ETFA: variants seen among roughly 807,000 people sequenced by gnomAD.
ETFA encodes the protein electron transfer flavoprotein subunit alpha.
ETFA carries 22 observed loss-of-function variants against 46.2 expected under a neutral mutation model. The ratio of observed to expected loss-of-function variants is 0.48; its 90% CI spans 0.34 to 0.68. The LOEUF (loss-of-function observed/expected upper bound fraction) is 0.68, where lower values mean the gene tolerates loss of function less well. ETFA is among the 30% of genes least tolerant of loss of function. The probability of loss-of-function intolerance (pLI) is 0.01; values close to 1 mark genes in which losing one functional copy is unlikely to be tolerated. For synonymous variants in ETFA, 131 were observed against 139.9 expected (o/e 0.94, Z 0.45); for missense variants, 345 against 401.1 (o/e 0.86, Z 1.19).
rs369091376 is a variant in ETFA at position 76,268,889 on chromosome 15, TTA to T, written c.816+5521_816+5522del. Among the ~76,000 whole-genome samples, 853 of 152,330 alleles carry T rather than the reference TTA, an allele frequency of 5.6e-3. 16 individuals are homozygous for T. Among genetic ancestry groups the T allele is most frequent in the African/African-American group, 0.02 (820 of 41,568 alleles). ...AGGACCTTTTGGATTCAAAGTTGTG[TTA>T]TGTTACTCTTAAATGCCATCTGGAG... On this transcript the variant is annotated intron_variant, in intron 9 of 11. Transcript: ENST00000557943.
At chr15:76,260,015 A>C in intron 9 of ETFA, 2 of 1,476,414 alleles carry the variant, frequency 1.4e-6, no homozygotes, top group Non-Finnish European at 1.9e-6. Context: ...TTCCTGAGGA[A>C]CTCTTCAATG....
rs146133196 is a variant in ETFA, at chr15:76,286,393, G to C, written c.540C>G (p.Gly180=). The change falls in exon 6 of 12, where the codon GGC becomes GGG. Residue 180 remains glycine (G), a synonymous_variant. Transcript: ENST00000557943. ...CACCCTTTTCTGAACTGGCACTACC[G>C]CCACTTGTTGCTGCAGCATCAAAGG... ...GTSFDAAATS[G]GSASSEKASS... 8 of 1,611,258 alleles carry C rather than the reference G, an allele frequency of 5.0e-6. No homozygotes were observed. Among genetic ancestry groups the C allele is most frequent in the Non-Finnish European group, 6.8e-6 (8 of 1,177,672 alleles).
intron 1 of ETFA, among the ~76,000 whole-genome samples, chr15:76,306,246 C>CA (rs1444379649): frequency 1.4e-5 from 2 of 138,942 alleles, no homozygotes; most frequent in Non-Finnish European, 3.1e-5. Context: ...GTATAGAGGG[C>CA]AGGGGAGGGT....
intron 10 of ETFA, chr15:76,230,834 C>A: frequency 6.3e-6 from 1 of 159,184 alleles, no homozygotes; most frequent in Non-Finnish European, 1.4e-5. Flanking sequence ...GTTGGTTATA[C>A]TTTGATAACA....
intron 1 of ETFA, among the ~76,000 whole-genome samples, chr15:76,305,939 C>G (rs1362525513): frequency 6.6e-6 from 1 of 151,374 alleles, no homozygotes; most frequent in African/African-American, 2.4e-5. Context: ...GGCTGGTCTC[C>G]TGGACTCAAG....
chr15:76,235,464 T>G (rs1159571688), intron 9 of ETFA, among the ~76,000 whole-genome samples: 1 of 152,222 alleles, frequency 6.6e-6, no homozygotes, highest in Non-Finnish European at 1.5e-5. Flanking sequence ...AAAAGAGTTG[T>G]GTGGACTTGA....
chr15:76,294,664 C>G (rs1163813778), intron 2 of ETFA, among the ~76,000 whole-genome samples: 1 of 152,170 alleles, frequency 6.6e-6, no homozygotes, highest in Non-Finnish European at 1.5e-5. Flanking sequence ...GTTCTCGTGC[C>G]TCAGCCTTCC....
intron 1 of ETFA, among the ~76,000 whole-genome samples, chr15:76,301,102 A>G (rs193272414): frequency 8.0e-4 from 122 of 152,288 alleles, no homozygotes; most frequent in Non-Finnish European, 1.4e-3. Flanking sequence ...AGTTGTTGTG[A>G]GGGTTAAATT....
intron 9 of ETFA, among the ~76,000 whole-genome samples, chr15:76,233,177 A>G (rs1400086125): frequency 6.6e-6 from 1 of 152,168 alleles, no homozygotes; most frequent in East Asian, 1.9e-4. Flanking sequence ...TCTACCTTCA[A>G]TGTATCCAGT....
At chr15:76,269,981 A>G (rs2039511933) in intron 9 of ETFA, among the ~76,000 whole-genome samples, 1 of 152,236 alleles carries the variant, frequency 6.6e-6, no homozygotes, top group Non-Finnish European at 1.5e-5. Flanking sequence ...AATGGCCAAT[A>G]ATACAACGTG....
At chr15:76,298,371 T>C (rs139293460) in intron 1 of ETFA, among the ~76,000 whole-genome samples, 370 of 152,230 alleles carry the variant, frequency 2.4e-3, no homozygotes, top group African/African-American at 8.3e-3. Flanking sequence ...ACTGCATCTA[T>C]AGAAGGGTTC....
At chr15:76,269,547 G>A (rs935402709) in intron 9 of ETFA, among the ~76,000 whole-genome samples, 1 of 152,120 alleles carries the variant, frequency 6.6e-6, no homozygotes, top group African/African-American at 2.4e-5. Context: ...CCAGAGCTTG[G>A]GGCCTTTGCA....
At chr15:76,279,529 G>A (rs2039627635) in intron 8 of ETFA, among the ~76,000 whole-genome samples, 1 of 148,756 alleles carries the variant, frequency 6.7e-6, no homozygotes, top group South Asian at 2.1e-4. Flanking sequence ...CTCCCACTTT[G>A]GCCTCCCAAA....
At chr15:76,216,839 C>CT (rs2038901559) in intron 11 of ETFA, among the ~76,000 whole-genome samples, 1 of 82,344 alleles carries the variant, frequency 1.2e-5, no homozygotes, top group Non-Finnish European at 2.6e-5. Context: ...GTGCCTTTTG[C>CT]CTTTTTTTTT....
In ETFA at chr15:76,291,369, C is replaced by A. The variant is rs191767871; in HGVS notation, c.351+1062G>T. Among the ~76,000 whole-genome samples the A allele has an allele frequency of 5.6e-3, 824 of 147,448 alleles. 14 individuals are homozygous for A. The highest frequency in any genetic ancestry group is 0.02 in the African/African-American group (793 of 39,708). On this transcript the variant is annotated intron_variant, in intron 4 of 11. Coordinates refer to ENST00000557943, the MANE Select transcript of ETFA (RefSeq NM_000126.4). ...CTGAGGCAGGAGAATGGCTTGAACC[C>A]AGGAGGTAGAGGTTGCAGTGAGCTG... is the stretch of plus-strand genomic sequence containing the variant.
At chr15:76,286,305 T>C in intron 6 of ETFA, 66 bp downstream of exon 6, 2 of 849,884 alleles carry the variant, frequency 2.4e-6, no homozygotes, top group East Asian at 2.6e-5. Context: ...TCATCTCTTA[T>C]TATAATACAG....
chr15:76,220,743 C>T (rs1047671137), intron 11 of ETFA, among the ~76,000 whole-genome samples: 4 of 152,072 alleles, frequency 2.6e-5, no homozygotes, highest in Admixed American at 2.6e-4. Flanking sequence ...TGTCATTTGC[C>T]ATCAGGGAAA....
chr15:76,266,041 G>C (rs144745209), intron 9 of ETFA, among the ~76,000 whole-genome samples: 2 of 152,176 alleles, frequency 1.3e-5, no homozygotes, highest in African/African-American at 4.8e-5. Context: ...GGGACATACA[G>C]AGCCTACTTT....
chr15:76,255,142 C>A (rs1400886217), intron 9 of ETFA, among the ~76,000 whole-genome samples: 1 of 151,990 alleles, frequency 6.6e-6, no homozygotes, highest in Non-Finnish European at 1.5e-5. Context: ...AGTTCTCTAA[C>A]TTATGGAAAA....
Sources: allele counts gnomAD v4.1 joint callset (sites outside exome capture counted in the v4.1 genomes callset), GRCh38; gene constraint gnomAD v4.1.1; transcripts MANE v1.5; gene names NCBI Gene and HGNC (gene_info 2026-07-23, HGNC 2026-07-21).